The following SLIT2 variants were observed in gnomAD, a reference collection of about 807,000 sequenced individuals.
The protein encoded by SLIT2 is slit homolog 2 protein.
A neutral mutation model predicts 185.7 loss-of-function variants in SLIT2; 41 were observed. The observed-to-expected ratio is 0.22, with a 90% CI of 0.17 to 0.29. The LOEUF is 0.29. SLIT2 is among the 10% of genes least tolerant of loss of function. The pLI is 1.00. For missense variants in SLIT2, 1,571 were observed against 1,909.0 expected (o/e 0.82, Z 3.30); for synonymous variants, 693 against 680.2 (o/e 1.02, Z -0.29).
chr4:20,420,046 A>G (rs1728047617), intron 4 of SLIT2, among the ~76,000 whole-genome samples: 1 of 152,178 alleles, frequency 6.6e-6, no homozygotes, highest in African/African-American at 2.4e-5. Flanking sequence ...CAAATGGTAG[A>G]TTTGAACAAT....
chr4:20,554,371 A>G, intron 26 of SLIT2: 1 of 459,004 alleles, frequency 2.2e-6, no homozygotes, highest in Non-Finnish European at 4.4e-6. Context: ...CCCAGTGTTC[A>G]GCCCAAACCT....
At chr4:20,576,514 G>A (rs1224677654) in intron 29 of SLIT2, among the ~76,000 whole-genome samples, 1 of 152,118 alleles carries the variant, frequency 6.6e-6, no homozygotes, top group Non-Finnish European at 1.5e-5. Context: ...TGATCTCTTA[G>A]TAACAGTGAC....
At chr4:20,576,978 G>GT (rs35122445) in intron 29 of SLIT2, among the ~76,000 whole-genome samples, 21,858 of 146,104 alleles carry the variant, frequency 0.15, 1,923 homozygotes, top group Non-Finnish European at 0.21. Flanking sequence ...GGAGAGGTAA[G>GT]TTTTTTTTTT....
chr4:20,441,726 A>G (rs557285022), intron 4 of SLIT2, among the ~76,000 whole-genome samples: 5 of 152,262 alleles, frequency 3.3e-5, no homozygotes, highest in Admixed American at 1.3e-4. Context: ...CTTTGTAAAC[A>G]TGGGTCCTAC....
intron 29 of SLIT2, 105 bp downstream of exon 29, chr4:20,569,109 T>C: frequency 1.1e-6 from 1 of 945,780 alleles, no homozygotes. Flanking sequence ...ATTTGATAAA[T>C]GGTAGGTGTC....
In SLIT2 at chr4:20,436,707, A is replaced by G. The variant is rs544949040; in HGVS notation, c.396-31045A>G. On this transcript the variant is annotated intron_variant, in intron 4 of 36. Coordinates refer to ENST00000504154, the MANE Select transcript of SLIT2 (RefSeq NM_004787.4). ...CAGCAACAGTAATTTCTTCATGAGTAGTTGATGACTGCTTTCAAGGTACAA... is the reference window on the plus strand; with the variant it reads ...CAGCAACAGTAATTTCTTCATGAGTGGTTGATGACTGCTTTCAAGGTACAA... 9.2e-4 allele frequency among the ~76,000 whole-genome samples: 140 copies of G among 152,344 alleles called. 1 individual carries two copies. The highest frequency in any genetic ancestry group is 1.8e-3 in the Non-Finnish European group (123 of 68,026).
chr4:20,265,828 C>G (rs902933376), intron 3 of SLIT2, among the ~76,000 whole-genome samples: 1 of 151,780 alleles, frequency 6.6e-6, no homozygotes, highest in Non-Finnish European at 1.5e-5. Context: ...TCAGGGAATA[C>G]AGGTGAAAAG....
intron 22 of SLIT2, among the ~76,000 whole-genome samples, chr4:20,547,713 T>A (rs1723370746): frequency 6.7e-6 from 1 of 150,134 alleles, no homozygotes; most frequent in South Asian, 2.1e-4. Context: ...GTATATATAT[T>A]TTAATATATT....
intron 18 of SLIT2, 144 bp from the exon 19 acceptor site, chr4:20,539,297 A>C: frequency 1.5e-6 from 1 of 657,112 alleles, no homozygotes; most frequent in Non-Finnish European, 2.6e-6. Context: ...GTATATATTC[A>C]TAGCAATATC....
chr4:20,339,680 A>G (rs1720801670), intron 4 of SLIT2, among the ~76,000 whole-genome samples: 1 of 152,182 alleles, frequency 6.6e-6, no homozygotes, highest in Non-Finnish European at 1.5e-5. Flanking sequence ...TGTTTTGAAG[A>G]CATTAACAAG....
intron 29 of SLIT2, among the ~76,000 whole-genome samples, chr4:20,584,342 T>C (rs543640372): frequency 1.3e-4 from 20 of 152,232 alleles, no homozygotes; most frequent in Non-Finnish European, 2.5e-4. Flanking sequence ...GAGGTCTCTT[T>C]ATGCTGATTC....
intron 18 of SLIT2, among the ~76,000 whole-genome samples, chr4:20,536,161 G>T (rs12512830): frequency 0.066 from 10,014 of 152,214 alleles, 440 homozygotes; most frequent in East Asian, 0.22. Context: ...TAACAAGAAT[G>T]GAGCTTGCAG....
At chr4:20,313,799 G>A (rs1405680932) in intron 4 of SLIT2, among the ~76,000 whole-genome samples, 4 of 152,048 alleles carry the variant, frequency 2.6e-5, no homozygotes, top group African/African-American at 4.8e-5. Context: ...ACGATCTTAC[G>A]CGGCTGCTGA....
intron 4 of SLIT2, among the ~76,000 whole-genome samples, chr4:20,401,443 G>T (rs1212123654): frequency 6.6e-6 from 1 of 151,846 alleles, no homozygotes; most frequent in Non-Finnish European, 1.5e-5. Flanking sequence ...TGCCTTTGGT[G>T]AATGATATTT....
intron 4 of SLIT2, among the ~76,000 whole-genome samples, chr4:20,397,539 A>G (rs1269067550): frequency 1.5e-4 from 23 of 151,722 alleles, no homozygotes. Context: ...GGGGTAAACC[A>G]CACACATCTT....
rs140223251 is a variant in SLIT2 at position 20,473,236 on chromosome 4, C to G, written c.467+5413C>G. Among the ~76,000 whole-genome samples, 510 of 141,418 alleles carry G rather than the reference C, an allele frequency of 3.6e-3. 5 individuals carry two copies. Among genetic ancestry groups the G allele is most frequent in the African/African-American group, 0.013 (484 of 37,188 alleles). The allele number at this position is 141,418 out of a possible 152,430, so 92.8% of individuals were successfully genotyped here. A position where few individuals can be genotyped will look rare whatever the true frequency, so the allele number is the denominator to read the frequency against. On this transcript the variant is annotated intron_variant, in intron 5 of 36. Coordinates refer to ENST00000504154, the MANE Select transcript of SLIT2 (RefSeq NM_004787.4). ...CCAGTTTGCTTGCATTATCTCAATT[C>G]CATTAACCCTATGTCTGTCATGAGT...
At chr4:20,449,635 C>T (rs1181874885) in intron 4 of SLIT2, among the ~76,000 whole-genome samples, 1 of 152,026 alleles carries the variant, frequency 6.6e-6, no homozygotes, top group Non-Finnish European at 1.5e-5. Context: ...TCTCAAACTC[C>T]TGACCTCGTG....
At chr4:20,330,738 TG>T (rs34993564) in intron 4 of SLIT2, among the ~76,000 whole-genome samples, 9 of 151,810 alleles carry the variant, frequency 5.9e-5, no homozygotes, top group Non-Finnish European at 1.0e-4. Context: ...ATTGACAACA[TG>T]GGGGGAACAT....
intron 9 of SLIT2, among the ~76,000 whole-genome samples, chr4:20,499,220 T>C (rs1718488325): frequency 6.6e-6 from 1 of 152,226 alleles, no homozygotes; most frequent in Non-Finnish European, 1.5e-5. Flanking sequence ...GCACACATTT[T>C]AATGGGATTG....
Sources: allele counts gnomAD v4.1 joint callset (sites outside exome capture counted in the v4.1 genomes callset), GRCh38; gene constraint gnomAD v4.1.1; transcripts MANE v1.5; gene names NCBI Gene and HGNC (gene_info 2026-07-23, HGNC 2026-07-21).